Variants in PRKN observed in about 807,000 individuals in gnomAD.
PRKN encodes E3 ubiquitin-protein ligase parkin.
PRKN carries 56 observed loss-of-function variants against 59.5 expected under a neutral mutation model. The observed-to-expected ratio is 0.94, with a 90% CI of 0.76 to 1.18. PRKN has a LOEUF of 1.18. Ranked by LOEUF, PRKN falls within the 50% of genes most tolerant of loss-of-function variation. PRKN has a pLI of 0.00. For missense variants in PRKN, 657 were observed against 596.4 expected, an observed-to-expected ratio of 1.10 and a Z score of -1.06; for synonymous variants, 250 against 222.1, an observed-to-expected ratio of 1.13 and a Z score of -1.12.
At chr6:162,382,782 G>T (rs893360799) in intron 2 of PRKN, among the ~76,000 whole-genome samples, 1 of 152,190 alleles carries the variant, frequency 6.6e-6, no homozygotes, top group African/African-American at 2.4e-5. Context: ...AGAGTAGAAT[G>T]TATTTTCAAA....
In PRKN at chr6:161,359,549, T is replaced by C. The variant is rs1296346255; in HGVS notation, c.1285+539A>G. Among the ~76,000 whole-genome samples the C allele has an allele frequency of 6.6e-6, 1 of 152,258 alleles. No individual in the cohort carries two copies. The highest frequency in any genetic ancestry group is 1.9e-4 in the East Asian group (1 of 5,200). On this transcript the variant is annotated intron_variant, in intron 11 of 11. Transcript: ENST00000366898. The surrounding 1 kb of genome is among the most constrained non-coding windows in gnomAD (Gnocchi z 5.4). ...AGGGCTCTCGGACCACTGGTTGTGA[T>C]GGCTTTGCCCTGAGTGGCATGTCCA... is the stretch of plus-strand genomic sequence containing the variant.
At chr6:162,510,892 C>T (rs1479015680) in intron 1 of PRKN, among the ~76,000 whole-genome samples, 1 of 152,008 alleles carries the variant, frequency 6.6e-6, no homozygotes, top group Non-Finnish European at 1.5e-5. Flanking sequence ...CACTGCACTC[C>T]ACCCTGGGCA....
intron 6 of PRKN, among the ~76,000 whole-genome samples, chr6:161,839,332 G>T (rs1562329046): frequency 2.6e-5 from 4 of 152,130 alleles, no homozygotes; most frequent in South Asian, 2.1e-4. Context: ...CAATGTGCAC[G>T]TGGGGATAAG....
At position 162,176,929 on chromosome 6, in the gene PRKN, C is replaced by CTTTTTTTTTTTTTTTTTTTTTTT. The variant is rs5881458; in HGVS notation, c.534+24201_534+24202insAAAAAAAAAAAAAAAAAAAAAAA. ...TCAGACTCTGAACACAATGAAATTC[C>CTTTTTTTTTTTTTTTTTTTTTTT]TTTTTTTTTTTTTTGGGAAAAGGAG... On this transcript the variant is annotated intron_variant, in intron 4 of 11. Coordinates refer to ENST00000366898, the MANE Select transcript of PRKN (RefSeq NM_004562.3). Among the ~76,000 whole-genome samples the CTTTTTTTTTTTTTTTTTTTTTTT allele has an allele frequency of 1.4e-5, 2 of 145,670 alleles. 1 individual carries two copies.
chr6:162,353,358 A>G (rs1479286466), intron 2 of PRKN, among the ~76,000 whole-genome samples: 1 of 140,694 alleles, frequency 7.1e-6, no homozygotes, highest in East Asian at 2.0e-4. Context: ...TGGAACTGCT[A>G]AAAAAAAAAA....
chr6:162,723,273 A>G (rs1289949259), intron 1 of PRKN, among the ~76,000 whole-genome samples: 3 of 152,228 alleles, frequency 2.0e-5, no homozygotes, highest in Admixed American at 6.5e-5. Flanking sequence ...ATAAGATGAG[A>G]ATGAGAAGTT....
chr6:161,752,521 C>T (rs1788739569), intron 7 of PRKN, among the ~76,000 whole-genome samples: 1 of 151,954 alleles, frequency 6.6e-6, no homozygotes, highest in African/African-American at 2.4e-5. Context: ...TGGGGAAACC[C>T]CGTCTGCATA....
At position 162,560,570 on chromosome 6, in the gene PRKN, AT is replaced by A. The variant is rs752716118; in HGVS notation, c.8-117098del. 3.9e-5 allele frequency among the ~76,000 whole-genome samples: 6 copies of A among 152,202 alleles called. 1 individual carries two copies. Among genetic ancestry groups the A allele is most frequent in the Non-Finnish European group, 5.9e-5 (4 of 68,034 alleles). ...CACTTAAGAAATGAAGTGATTTTTA[AT>A]ACATCCCATATAGTAAAAACATAAA... is the stretch of plus-strand genomic sequence containing the variant. On this transcript the variant is annotated intron_variant, in intron 1 of 11. Coordinates refer to ENST00000366898, the MANE Select transcript of PRKN (RefSeq NM_004562.3).
At chr6:162,250,103 A>C (rs1342491742) in intron 3 of PRKN, among the ~76,000 whole-genome samples, 1 of 151,466 alleles carries the variant, frequency 6.6e-6, no homozygotes, top group Non-Finnish European at 1.5e-5. Flanking sequence ...CCGAGATCAC[A>C]CCACAGGACT....
intron 1 of PRKN, among the ~76,000 whole-genome samples, chr6:162,626,782 C>A (rs996626675): frequency 6.7e-6 from 1 of 149,386 alleles, no homozygotes; most frequent in Non-Finnish European, 1.5e-5. Context: ...CCACTGCACT[C>A]CAGCCTGGAC....
intron 3 of PRKN, among the ~76,000 whole-genome samples, chr6:162,224,552 G>A (rs1346615704): frequency 6.6e-6 from 1 of 152,168 alleles, no homozygotes; most frequent in Non-Finnish European, 1.5e-5. Flanking sequence ...TGTGCATGTG[G>A]GGAAGGACAA....
At chr6:161,596,064 G>A (rs970147511) in intron 7 of PRKN, among the ~76,000 whole-genome samples, 6 of 152,180 alleles carry the variant, frequency 3.9e-5, no homozygotes, top group African/African-American at 1.4e-4. Flanking sequence ...TCGGGGTGAG[G>A]AGTGGGGACT....
intron 1 of PRKN, among the ~76,000 whole-genome samples, chr6:162,566,699 A>T (rs905130322): frequency 3.2e-4 from 48 of 152,300 alleles, no homozygotes; most frequent in African/African-American, 1.1e-3. Flanking sequence ...GAATTCTACC[A>T]AACATTTAAA....
rs184022676 is a variant in PRKN, at chr6:161,879,411, A to G, written c.735-93503T>C. On this transcript the variant is annotated intron_variant, in intron 6 of 11. Transcript: ENST00000366898. ...CAGGCTGGGTGGAGTACAGTGGTGCAATCTTGGCTCACTGCAACCTCCGCC... is the reference window on the plus strand; with the variant it reads ...CAGGCTGGGTGGAGTACAGTGGTGCGATCTTGGCTCACTGCAACCTCCGCC... Among the ~76,000 whole-genome samples the G allele has an allele frequency of 2.2e-3, 319 of 143,628 alleles. 2 individuals are homozygous for G. Among genetic ancestry groups the G allele is most frequent in the African/African-American group, 7.8e-3 (292 of 37,656 alleles). The allele number at this position is 143,628 out of a possible 152,430, so 94.2% of individuals were successfully genotyped here.
At chr6:162,523,073 G>A (rs1348408821) in intron 1 of PRKN, among the ~76,000 whole-genome samples, 3 of 152,122 alleles carry the variant, frequency 2.0e-5, no homozygotes, top group African/African-American at 7.2e-5. Context: ...AAGCCCAATG[G>A]CTCAACTGTG....
chr6:162,727,581 T>C (rs1024963107), intron 1 of PRKN, 81 bp downstream of exon 1: 18 of 1,438,282 alleles, frequency 1.3e-5, no homozygotes, highest in Non-Finnish European at 1.7e-5. Context: ...CCGGGGGTCC[T>C]GGTCGGCCGA....
chr6:161,937,967 G>T (rs1207518044), intron 6 of PRKN, among the ~76,000 whole-genome samples: 1 of 151,968 alleles, frequency 6.6e-6, no homozygotes, highest in Non-Finnish European at 1.5e-5. Context: ...ACTTTTCATG[G>T]CAATGTAATA....
chr6:162,416,512 T>C (rs1231772804), intron 2 of PRKN, among the ~76,000 whole-genome samples: 2 of 152,202 alleles, frequency 1.3e-5, no homozygotes, highest in African/African-American at 4.8e-5. Flanking sequence ...GCTGAGTAAG[T>C]ATATTTTATT....
chr6:161,871,822 A>C, intron 6 of PRKN, among the ~76,000 whole-genome samples: 1 of 152,086 alleles, frequency 6.6e-6, no homozygotes, highest in African/African-American at 2.4e-5. Flanking sequence ...AATACTTAAC[A>C]TATCTGTGCT....
Sources: gnomAD v4.1 joint callset for allele counts (sites outside exome capture counted in the v4.1 genomes callset) on GRCh38, gnomAD v4.1.1 for gene constraint, Gnocchi (gnomAD v3.1) non-coding constraint, MANE v1.5 for transcripts, NCBI Gene and HGNC (gene_info 2026-07-23, HGNC 2026-07-21) for gene names.